The following MPV17 variants were observed in gnomAD, a reference collection of about 807,000 sequenced individuals.
MPV17 encodes the protein mitochondrial inner membrane protein MPV17.
Under a neutral mutation model 28.6 loss-of-function variants are expected in MPV17, and 31 were observed. The observed-to-expected ratio is 1.08, with a 90% CI of 0.81 to 1.46. The LOEUF is 1.46. Ranked by LOEUF, MPV17 falls within the 40% of genes most tolerant of loss-of-function variation. The pLI is 0.00. For synonymous variants in MPV17, 87 were observed against 85.3 expected (o/e 1.02, Z -0.11); for missense variants, 198 against 216.2 (o/e 0.92, Z 0.53).
At position 27,309,986 on chromosome 2, in the gene MPV17, G is replaced by A; in HGVS notation, c.462-5C>T. On this transcript the variant is annotated splice_polypyrimidine_tract_variant and splice_region_variant and intron_variant, in intron 7 of 7. Transcript: ENST00000380044. ...ACACATTGGACAACGGCCAACCTAA[G>A]GAACAGGAATAACACAATGAAGAGG... The A allele has an allele frequency of 6.2e-7, 1 of 1,612,592 alleles. No homozygotes were observed. Among genetic ancestry groups the A allele is most frequent in the Non-Finnish European group, 8.5e-7 (1 of 1,178,592 alleles).
At chr2:27,318,924 C>G (rs1679756324) in intron 2 of MPV17, among the ~76,000 whole-genome samples, 1 of 151,814 alleles carries the variant, frequency 6.6e-6, no homozygotes, top group South Asian at 2.1e-4. Flanking sequence ...GCCACCATGC[C>G]CAGCTAATTT....
Position 27,309,826 on chromosome 2 carries a change from T to C in MPV17, c.*86A>G. 1.8e-6 allele frequency: 2 copies of C among 1,133,008 alleles called. No homozygotes were observed. Among genetic ancestry groups the C allele is most frequent in the Non-Finnish European group, 1.3e-6 (1 of 748,550 alleles). The allele number at this position is 1,133,008 out of a possible 1,614,324, so 70.2% of individuals were successfully genotyped here. Reference sequence around the variant, plus strand: ...ACCGGCAACCCAACCCCGTGGAAACTGGTATGCCCACTTTGAGGAGGTTGT... The same window carrying C: ...ACCGGCAACCCAACCCCGTGGAAACCGGTATGCCCACTTTGAGGAGGTTGT... On this transcript the variant is annotated 3_prime_UTR_variant, in exon 8 of 8. Transcript: ENST00000380044.
In MPV17 at chr2:27,312,724, C is replaced by G. The variant is rs149893578; in HGVS notation, c.235G>C (p.Gly79Arg). The G allele has an allele frequency of 9.4e-5, 151 of 1,614,068 alleles. No individual in the cohort carries two copies. The highest frequency in any genetic ancestry group is 1.2e-4 in the Non-Finnish European group (142 of 1,180,048). Reference sequence around the variant, plus strand: ...TTCAGTGCATCCACTTTGGTGGTGCCAGGGATGAACCGATCCAAAACCTTG... The same window carrying G: ...TTCAGTGCATCCACTTTGGTGGTGCGAGGGATGAACCGATCCAAAACCTTG... ...WYKVLDRFIPGTTKVDALKKM... is the reference protein window; with the variant it reads ...WYKVLDRFIPRTTKVDALKKM... Residue 79 changes from glycine to arginine, a missense_variant, in exon 4 of 8, where the codon GGC becomes CGC. Coordinates refer to ENST00000380044, the MANE Select transcript of MPV17 (RefSeq NM_002437.5).
At chr2:27,315,810 C>T (rs1679628759) in intron 2 of MPV17, 1 of 968,816 alleles carries the variant, frequency 1.0e-6, no homozygotes, top group Non-Finnish European at 1.3e-6. Context: ...GATCCACCTG[C>T]CTTGGCCGCC....
At chr2:27,312,193 A>T in intron 6 of MPV17, 21 bp downstream of exon 6, 1 of 1,612,676 alleles carries the variant, frequency 6.2e-7, no homozygotes, top group Non-Finnish European at 8.5e-7. Flanking sequence ...GAGAACAAGC[A>T]GTTGAGGTGT....
In MPV17 at chr2:27,317,364, T is replaced by C. The variant is rs1210077388; in HGVS notation, c.71-4255A>G. 7.8e-6 allele frequency: 6 copies of C among 767,230 alleles called. No individual in the cohort carries two copies. The highest frequency in any genetic ancestry group is 3.3e-5 in the Admixed American group (1 of 29,868). The allele number at this position is 767,230 out of a possible 1,614,324, so 47.5% of individuals were successfully genotyped here. A position where few individuals can be genotyped will look rare whatever the true frequency, so the allele number is the denominator to read the frequency against. ...TCTGAATGCTCTCCCATTTCTGACCTGAACCCATCCTACTGCTAGAAAATG... is the reference window on the plus strand; with the variant it reads ...TCTGAATGCTCTCCCATTTCTGACCCGAACCCATCCTACTGCTAGAAAATG... On this transcript the variant is annotated intron_variant, in intron 2 of 7. Transcript: ENST00000380044. This position sits in a 1 kb window ranked among gnomAD's most constrained non-coding sequence, Gnocchi z 4.0.
chr2:27,309,878 C>T lies in MPV17; in HGVS notation c.*34G>A, dbSNP rs147885371. The T allele has an allele frequency of 5.1e-4, 804 of 1,584,908 alleles. 5 individuals carry two copies. Among genetic ancestry groups the T allele is most frequent in the African/African-American group, 1.1e-3 (82 of 74,446 alleles). On this transcript the variant is annotated 3_prime_UTR_variant, in exon 8 of 8. Coordinates refer to ENST00000380044, the MANE Select transcript of MPV17 (RefSeq NM_002437.5). ...TGACCGTTCCAGGGTCAAGCTGCATCACTGCAAGGTGGAAACGATGGAGTG... is the reference window on the plus strand; with the variant it reads ...TGACCGTTCCAGGGTCAAGCTGCATTACTGCAAGGTGGAAACGATGGAGTG...
At position 27,312,205 on chromosome 2, in the gene MPV17, A is replaced by G. The variant is rs2148215029; in HGVS notation, c.408+9T>C. 2.5e-6 allele frequency: 4 copies of G among 1,613,756 alleles called. No individual in the cohort carries two copies. The African/African-American group carries it at 4.0e-5, about 16-fold the overall frequency. The stretch of plus-strand genomic sequence containing the variant: ...CAGGAGAACAAGCAGTTGAGGTGTC[A>G]GCTCTTACATAGTAGTTGGTGATAA... On this transcript the variant is annotated intron_variant, in intron 6 of 7. Transcript: ENST00000380044.
In MPV17 at chr2:27,311,799, G is replaced by C; in HGVS notation, c.461+100C>G. On this transcript the variant is annotated intron_variant, in intron 7 of 7. Coordinates refer to ENST00000380044, the MANE Select transcript of MPV17 (RefSeq NM_002437.5). ...CTGATCACGGCTCAGTGTTCCGTTT[G>C]GGGGTCTAAGGTAGCTCAAGGTTGA... 3 of 1,571,012 alleles carry C rather than the reference G, an allele frequency of 1.9e-6. No homozygotes were observed. In the South Asian group the frequency reaches 3.5e-5, roughly 18 times the overall value.
chr2:27,314,543 A>G (rs758361926), intron 2 of MPV17, among the ~76,000 whole-genome samples: 10 of 152,090 alleles, frequency 6.6e-5, no homozygotes, highest in Non-Finnish European at 1.3e-4. Flanking sequence ...CCTTGCCCCA[A>G]CTGCACAGAT....
chr2:27,314,714 CCTGT>C (rs1183340784), intron 2 of MPV17, among the ~76,000 whole-genome samples: 9 of 152,224 alleles, frequency 5.9e-5, no homozygotes, highest in African/African-American at 2.2e-4. Context: ...TTCCAGCTCA[CCTGT>C]CTATCTCACC....
Position 27,317,051 on chromosome 2 carries a change from C to T in MPV17, c.71-3942G>A, listed in dbSNP as rs1191434439. On this transcript the variant is annotated intron_variant, in intron 2 of 7. Transcript: ENST00000380044. This position sits in a 1 kb window ranked among gnomAD's most constrained non-coding sequence, Gnocchi z 4.0. ...GGGCATGGGCAGGGTAAATTCCCTA[C>T]TTCTCCTATTTTGTTCCTCTACTTA... is the stretch of plus-strand genomic sequence containing the variant. 6.5e-7 allele frequency: 1 copy of T among 1,534,596 alleles called. No homozygotes were observed. The highest frequency in any genetic ancestry group is 8.8e-7 in the Non-Finnish European group (1 of 1,138,652).
chr2:27,320,123 G>A (rs1679802394), intron 2 of MPV17, among the ~76,000 whole-genome samples: 1 of 150,930 alleles, frequency 6.6e-6, no homozygotes, highest in African/African-American at 2.4e-5. Context: ...TATAATCCCA[G>A]CTGCTGAAGA....
At position 27,313,035 on chromosome 2, in the gene MPV17, C is replaced by G. The variant is rs1342660482; in HGVS notation, c.145G>C (p.Gly49Arg). 6.2e-7 allele frequency: 1 copy of G among 1,614,100 alleles called. No homozygotes were observed. Among genetic ancestry groups the G allele is most frequent in the Admixed American group, 1.7e-5 (1 of 60,008 alleles). Residue 49 changes from glycine to arginine, a missense_variant, in exon 3 of 8, where the codon GGC becomes CGC. Transcript: ENST00000380044. ...AGGGACACCATGGTCAGAGTCCGGC[C>G]TCTCTGGTGTTCCTGCAGACCCCGC... is the stretch of plus-strand genomic sequence containing the variant. ...ERRGLQEHQR[G>R]RTLTMVSLGC...
chr2:27,310,646 C>T (rs1229785685), intron 7 of MPV17, among the ~76,000 whole-genome samples: 1 of 152,218 alleles, frequency 6.6e-6, no homozygotes, highest in Non-Finnish European at 1.5e-5. Context: ...TATAAAGTAG[C>T]ATCTTTCTGT....
intron 2 of MPV17, among the ~76,000 whole-genome samples, chr2:27,320,261 T>G (rs1179214105): frequency 6.7e-6 from 1 of 149,964 alleles, no homozygotes; most frequent in Non-Finnish European, 1.5e-5. Context: ...AGAAAAAAAA[T>G]GTCCAAAACC....
chr2:27,310,604 A>C (rs1679394905), intron 7 of MPV17, among the ~76,000 whole-genome samples: 1 of 152,224 alleles, frequency 6.6e-6, no homozygotes, highest in African/African-American at 2.4e-5. Context: ...GTACCAGCTG[A>C]GATTTCATCT....
chr2:27,316,277 C>A, intron 2 of MPV17: 5 of 1,461,530 alleles, frequency 3.4e-6, no homozygotes, highest in Non-Finnish European at 3.7e-6. Context: ...GAATGAAAAG[C>A]CAAGTCCCTG....
At chr2:27,316,461 C>T (rs1679656766) in intron 2 of MPV17, among the ~76,000 whole-genome samples, 2 of 152,134 alleles carry the variant, frequency 1.3e-5, no homozygotes, top group African/African-American at 4.8e-5. Context: ...GAGTGGTGCC[C>T]AGGGATTCCT....
Sources: allele counts gnomAD v4.1 joint callset (sites outside exome capture counted in the v4.1 genomes callset), GRCh38; gene constraint gnomAD v4.1.1; non-coding constraint Gnocchi (gnomAD v3.1); transcripts MANE v1.5; gene names NCBI Gene and HGNC (gene_info 2026-07-23, HGNC 2026-07-21).